LIMCH1: variants seen among roughly 807,000 people sequenced by gnomAD.
The protein encoded by LIMCH1 is LIM and calponin homology domains-containing protein 1.
Under a neutral mutation model 176.5 loss-of-function variants are expected in LIMCH1, and 113 were observed. The ratio of observed to expected loss-of-function variants is 0.64; its 90% confidence interval spans 0.55 to 0.75. LIMCH1 has a LOEUF of 0.75. Ranked by LOEUF, LIMCH1 falls within the 30% of genes least tolerant of loss-of-function variation. The probability of loss-of-function intolerance (pLI) is 0.00; values close to 1 mark genes in which losing one functional copy is unlikely to be tolerated. For synonymous variants in LIMCH1, 619 were observed against 645.9 expected (o/e 0.96, Z 0.63); for missense variants, 1,674 against 1,814.9 (o/e 0.92, Z 1.41).
upstream of LIMCH1, among the ~76,000 whole-genome samples, chr4:41,534,897 C>T (rs979412877): frequency 2.0e-5 from 3 of 152,090 alleles, no homozygotes; most frequent in Non-Finnish European, 4.4e-5. Flanking sequence ...TGCAGTGGCT[C>T]ATGCCTATAA....
At chr4:41,442,150 A>G (rs1224857073) in intron 1 of LIMCH1, among the ~76,000 whole-genome samples, 2 of 152,110 alleles carry the variant, frequency 1.3e-5, no homozygotes, top group East Asian at 1.9e-4. Flanking sequence ...AAATACAAAA[A>G]TTAGCCAGGT....
chr4:41,651,613 C>G (rs2094300501), intron 18 of LIMCH1, among the ~76,000 whole-genome samples: 1 of 152,124 alleles, frequency 6.6e-6, no homozygotes, highest in Admixed American at 6.6e-5. Context: ...TTATTTAGGA[C>G]CTCATTAGAC....
chr4:41,561,307 C>T (rs970475279), intron 1 of LIMCH1, among the ~76,000 whole-genome samples: 4 of 152,130 alleles, frequency 2.6e-5, no homozygotes, highest in African/African-American at 4.8e-5. Context: ...TTTTTTTCCC[C>T]CTCCAGAACT....
intron 1 of LIMCH1, among the ~76,000 whole-genome samples, chr4:41,474,091 T>C (rs2067373648): frequency 6.6e-6 from 1 of 152,072 alleles, no homozygotes; most frequent in Non-Finnish European, 1.5e-5. Flanking sequence ...GACATGATAA[T>C]TGCTTGAACG....
At chr4:41,484,681 G>T (rs2069210751) in intron 1 of LIMCH1, among the ~76,000 whole-genome samples, 1 of 152,150 alleles carries the variant, frequency 6.6e-6, no homozygotes, top group African/African-American at 2.4e-5. Flanking sequence ...GCCTGCTTTT[G>T]TACAATTTAG....
intron 18 of LIMCH1, among the ~76,000 whole-genome samples, chr4:41,654,644 G>A (rs1490944758): frequency 6.6e-6 from 1 of 152,118 alleles, no homozygotes; most frequent in Non-Finnish European, 1.5e-5. Flanking sequence ...TGTGGGATGT[G>A]GATTTTGAAA....
intron 14 of LIMCH1, among the ~76,000 whole-genome samples, chr4:41,643,355 T>G (rs1284095242): frequency 6.6e-6 from 1 of 152,142 alleles, no homozygotes; most frequent in African/African-American, 2.4e-5. Flanking sequence ...GTTTCAAAAA[T>G]GGACTGTCAC....
At chr4:41,497,096 T>C (rs1481803685) in intron 2 of LIMCH1, among the ~76,000 whole-genome samples, 1 of 152,250 alleles carries the variant, frequency 6.6e-6, no homozygotes, top group African/African-American at 2.4e-5. Flanking sequence ...TTTGATGCTT[T>C]CCAGTTTTGT....
intron 1 of LIMCH1, among the ~76,000 whole-genome samples, chr4:41,413,326 A>G (rs1415484190): frequency 6.6e-6 from 1 of 150,484 alleles, no homozygotes; most frequent in Non-Finnish European, 1.5e-5. Flanking sequence ...ATGAAAATGT[A>G]TCTACAATTT....
chr4:41,437,163 AG>A (rs1161091793), intron 1 of LIMCH1, among the ~76,000 whole-genome samples: 1 of 152,236 alleles, frequency 6.6e-6, no homozygotes, highest in Non-Finnish European at 1.5e-5. Context: ...TTGCATGTCT[AG>A]ACAGTAGTGC....
intron 1 of LIMCH1, among the ~76,000 whole-genome samples, chr4:41,468,342 CCCT>C (rs1418092234): frequency 4.3e-5 from 2 of 46,276 alleles, no homozygotes; most frequent in Non-Finnish European, 5.9e-5. Flanking sequence ...CCCTCCCCTC[CCCT>C]CCTCCTCCTC....
chr4:41,458,336 A>G (rs982276650), intron 1 of LIMCH1, among the ~76,000 whole-genome samples: 1 of 152,250 alleles, frequency 6.6e-6, no homozygotes, highest in African/African-American at 2.4e-5. Context: ...TTGAAATTAA[A>G]TCAAAGTTTG....
At chr4:41,502,659 G>T (rs1032510306) in intron 2 of LIMCH1, among the ~76,000 whole-genome samples, 1 of 152,114 alleles carries the variant, frequency 6.6e-6, no homozygotes, top group African/African-American at 2.4e-5. Context: ...AATCATCCGT[G>T]ATGTTGAGCT....
At chr4:41,446,633 C>G (rs1054669835) in intron 1 of LIMCH1, among the ~76,000 whole-genome samples, 1 of 152,128 alleles carries the variant, frequency 6.6e-6, no homozygotes, top group African/African-American at 2.4e-5. Context: ...ACTACATGAA[C>G]CCTTAGGCAA....
At chr4:41,569,139 T>A (rs939051628) in intron 1 of LIMCH1, among the ~76,000 whole-genome samples, 3 of 152,182 alleles carry the variant, frequency 2.0e-5, no homozygotes. Context: ...TTGTTTCTCA[T>A]GATAAATAAT....
At chr4:41,545,123 A>G (rs752838573) in intron 1 of LIMCH1, among the ~76,000 whole-genome samples, 1 of 152,302 alleles carries the variant, frequency 6.6e-6, no homozygotes, top group Non-Finnish European at 1.5e-5. Context: ...TGTTCTTTGT[A>G]CTCAAATTCA....
intron 2 of LIMCH1, among the ~76,000 whole-genome samples, chr4:41,519,333 G>C (rs1242218653): frequency 6.6e-6 from 1 of 152,188 alleles, no homozygotes; most frequent in Admixed American, 6.5e-5. Context: ...ATAAATGCTT[G>C]TTGAGTACAT....
At chr4:41,635,674 T>A (rs1407592591) in intron 13 of LIMCH1, among the ~76,000 whole-genome samples, 1 of 152,256 alleles carries the variant, frequency 6.6e-6, no homozygotes, top group Non-Finnish European at 1.5e-5. Context: ...GCACATTTCC[T>A]ATCAACAAGT....
intron 1 of LIMCH1, among the ~76,000 whole-genome samples, chr4:41,396,029 G>A (rs1341352830): frequency 6.6e-6 from 1 of 152,214 alleles, no homozygotes; most frequent in East Asian, 1.9e-4. Flanking sequence ...AAGAACACCT[G>A]GGAGAAGAGC....
Sources: gnomAD v4.1 joint callset for allele counts (sites outside exome capture counted in the v4.1 genomes callset) on GRCh38, gnomAD v4.1.1 for gene constraint, MANE v1.5 for transcripts, NCBI Gene and HGNC (gene_info 2026-07-23, HGNC 2026-07-21) for gene names.